GMDS: variants seen among roughly 807,000 people sequenced by gnomAD.
GMDS encodes GDP-mannose 4,6-dehydratase, also known as GDP-mannose 4,6 dehydratase.
In GMDS, 20 loss-of-function variants were observed where a neutral mutation model predicts 49.9. The ratio of observed to expected loss-of-function variants is 0.40; its 90% CI spans 0.28 to 0.58. The LOEUF is 0.58. GMDS is among the 20% of genes least tolerant of loss of function. The pLI is 0.42. For synonymous variants in GMDS, 177 were observed against 178.6 expected (o/e 0.99, Z 0.07); for missense variants, 362 against 481.4 (o/e 0.75, Z 2.32).
chr6:2,140,931 C>G (rs2127527899), intron 1 of GMDS, among the ~76,000 whole-genome samples: 1 of 152,242 alleles, frequency 6.6e-6, no homozygotes, highest in Admixed American at 6.5e-5. Flanking sequence ...GAACTCTGCC[C>G]TGATGGAACC....
intron 4 of GMDS, among the ~76,000 whole-genome samples, chr6:2,017,557 C>T (rs1041648019): frequency 6.6e-6 from 1 of 152,168 alleles, no homozygotes; most frequent in African/African-American, 2.4e-5. Flanking sequence ...GATCTGCCTG[C>T]TTCAGTCTCC....
intron 7 of GMDS, among the ~76,000 whole-genome samples, chr6:1,791,566 C>T (rs1561807484): frequency 6.6e-6 from 1 of 152,188 alleles, no homozygotes. Context: ...GGAGTTACGG[C>T]TTCAACATAT....
chr6:1,934,029 G>T (rs1762412685), intron 6 of GMDS, among the ~76,000 whole-genome samples: 1 of 152,050 alleles, frequency 6.6e-6, no homozygotes, highest in African/African-American at 2.4e-5. Flanking sequence ...TTGAATTTTT[G>T]ATCAATTTTT....
intron 9 of GMDS, among the ~76,000 whole-genome samples, chr6:1,669,687 C>T (rs1040439541): frequency 1.3e-5 from 2 of 151,662 alleles, no homozygotes; most frequent in African/African-American, 2.4e-5. Flanking sequence ...CTGAGGCAGG[C>T]GGATCACTTG....
intron 7 of GMDS, among the ~76,000 whole-genome samples, chr6:1,802,210 T>C (rs1034874615): frequency 6.6e-6 from 1 of 152,248 alleles, no homozygotes; most frequent in African/African-American, 2.4e-5. Context: ...TTTGAGAATT[T>C]ACATTTCCCA....
chr6:1,932,321 G>A (rs1561901544), intron 6 of GMDS, among the ~76,000 whole-genome samples: 1 of 152,100 alleles, frequency 6.6e-6, no homozygotes, highest in African/African-American at 2.4e-5. Context: ...CAACCCATGT[G>A]CTAATATTAC....
chr6:1,927,504 A>G (rs941319625), intron 7 of GMDS, among the ~76,000 whole-genome samples: 2 of 152,262 alleles, frequency 1.3e-5, no homozygotes, highest in Non-Finnish European at 2.9e-5. Context: ...ATCATAAATG[A>G]CTTCACTGAA....
chr6:1,811,517 T>A, intron 7 of GMDS, among the ~76,000 whole-genome samples: 1 of 152,236 alleles, frequency 6.6e-6, no homozygotes, highest in Middle Eastern at 3.4e-3. Flanking sequence ...ACACAAAATC[T>A]TATTTGTACA....
chr6:1,903,787 C>T (rs1760620894), intron 7 of GMDS, among the ~76,000 whole-genome samples: 1 of 152,218 alleles, frequency 6.6e-6, no homozygotes, highest in Non-Finnish European at 1.5e-5. Flanking sequence ...GCGCCTCCCT[C>T]CCCTCAGTGC....
chr6:2,057,057 A>G (rs1272993553), intron 4 of GMDS, among the ~76,000 whole-genome samples: 1 of 152,228 alleles, frequency 6.6e-6, no homozygotes, highest in East Asian at 1.9e-4. Flanking sequence ...AGGAAAATGA[A>G]ACAAAGTGCT....
chr6:1,979,037 G>A (rs1765076707), intron 4 of GMDS, among the ~76,000 whole-genome samples: 2 of 151,976 alleles, frequency 1.3e-5, no homozygotes, highest in African/African-American at 4.8e-5. Flanking sequence ...AAAACCACAA[G>A]AACTCCATCC....
At chr6:1,733,975 C>A (rs1479552097) in intron 8 of GMDS, among the ~76,000 whole-genome samples, 5 of 152,270 alleles carry the variant, frequency 3.3e-5, no homozygotes, top group Admixed American at 1.3e-4. Context: ...GGCATCGGGG[C>A]GACCTGCTAG....
intron 7 of GMDS, among the ~76,000 whole-genome samples, chr6:1,841,403 C>G (rs1167218961): frequency 6.6e-6 from 1 of 152,224 alleles, no homozygotes; most frequent in Non-Finnish European, 1.5e-5. Context: ...CTCCCAAACT[C>G]TCACTGCAAA....
intron 4 of GMDS, among the ~76,000 whole-genome samples, chr6:1,973,315 T>C (rs186261460): frequency 1.3e-5 from 2 of 152,334 alleles, no homozygotes; most frequent in East Asian, 1.9e-4. Context: ...TGAATGCATT[T>C]TGTAATGTTT....
At chr6:1,899,680 C>T (rs1490275529) in intron 7 of GMDS, among the ~76,000 whole-genome samples, 2 of 152,238 alleles carry the variant, frequency 1.3e-5, no homozygotes, top group African/African-American at 2.4e-5. Flanking sequence ...GGAAACTTAG[C>T]TCACACTGTT....
At chr6:1,850,581 A>G (rs1417244170) in intron 7 of GMDS, among the ~76,000 whole-genome samples, 1 of 152,208 alleles carries the variant, frequency 6.6e-6, no homozygotes, top group African/African-American at 2.4e-5. Context: ...ACAAAGAAAC[A>G]TGAGATTAAA....
intron 6 of GMDS, among the ~76,000 whole-genome samples, chr6:1,945,357 C>G (rs750262779): frequency 4.6e-5 from 7 of 152,090 alleles, no homozygotes; most frequent in Non-Finnish European, 8.8e-5. Flanking sequence ...GCAGCAGAGA[C>G]TGAGCCTGTG....
chr6:1,779,230 C>T (rs1344112166), intron 7 of GMDS, among the ~76,000 whole-genome samples: 1 of 152,194 alleles, frequency 6.6e-6, no homozygotes, highest in Non-Finnish European at 1.5e-5. Context: ...GGTCTTTCAT[C>T]CCCTGATGCT....
intron 9 of GMDS, among the ~76,000 whole-genome samples, chr6:1,702,899 G>C (rs1297285631): frequency 6.6e-6 from 1 of 152,144 alleles, no homozygotes; most frequent in African/African-American, 2.4e-5. Flanking sequence ...GCTAAGAGGA[G>C]GGCCAATACA....
Sources: allele counts gnomAD v4.1 joint callset (sites outside exome capture counted in the v4.1 genomes callset), GRCh38; gene constraint gnomAD v4.1.1; transcripts MANE v1.5; gene names NCBI Gene and HGNC (gene_info 2026-07-23, HGNC 2026-07-21).